Variants in GRID2 observed in about 807,000 individuals in gnomAD.
GRID2 encodes the protein glutamate receptor ionotropic, delta-2.
Under a neutral mutation model 114.8 loss-of-function variants are expected in GRID2, and 33 were observed. The observed-to-expected ratio is 0.29, with a 90% CI of 0.22 to 0.38. The LOEUF (loss-of-function observed/expected upper bound fraction) is 0.38, where lower values mean the gene tolerates loss of function less well. Ranked by LOEUF, GRID2 falls within the 10% of genes least tolerant of loss-of-function variation. The probability of loss-of-function intolerance (pLI) is 1.00; values close to 1 mark genes in which losing one functional copy is unlikely to be tolerated. For synonymous variants in GRID2, 505 were observed against 449.9 expected, an observed-to-expected ratio of 1.12 and a Z score of -1.55; for missense variants, 1,184 against 1,257.7, an observed-to-expected ratio of 0.94 and a Z score of 0.89.
chr4:93,277,811 T>G (rs759060506), intron 8 of GRID2, among the ~76,000 whole-genome samples: 3 of 151,928 alleles, frequency 2.0e-5, no homozygotes. Context: ...TCATAGTGTC[T>G]GGAATAGTAA....
chr4:92,982,209 A>C (rs1754265044), intron 2 of GRID2, among the ~76,000 whole-genome samples: 1 of 151,930 alleles, frequency 6.6e-6, no homozygotes, highest in Non-Finnish European at 1.5e-5. Context: ...TAATTTCCAA[A>C]CTAGATAGTG....
intron 8 of GRID2, among the ~76,000 whole-genome samples, chr4:93,316,339 A>AGAAAGAAAGAAGGAAG (rs1192535496): frequency 6.0e-4 from 33 of 55,012 alleles, no homozygotes; most frequent in African/African-American, 1.7e-3. Flanking sequence ...AAAGAAAGAA[A>AGAAAGAAAGAAGGAAG]GAAGGAAGGA....
chr4:93,720,145 C>CA (rs375352154), intron 14 of GRID2, among the ~76,000 whole-genome samples: 2 of 151,594 alleles, frequency 1.3e-5, no homozygotes, highest in East Asian at 1.9e-4. Context: ...TGAGAGCCCC[C>CA]AAAAAAAATG....
intron 14 of GRID2, among the ~76,000 whole-genome samples, chr4:93,633,707 AT>A (rs1287441526): frequency 6.6e-6 from 1 of 152,138 alleles, no homozygotes. Flanking sequence ...AAGAAAAAAA[AT>A]CTAAGAAGAA....
At chr4:92,985,116 G>A (rs1285022158) in intron 2 of GRID2, among the ~76,000 whole-genome samples, 1 of 151,960 alleles carries the variant, frequency 6.6e-6, no homozygotes, top group African/African-American at 2.4e-5. Flanking sequence ...TTTGCTCACT[G>A]ATTTCAGCAT....
At chr4:92,693,144 C>A (rs557423520) in intron 2 of GRID2, among the ~76,000 whole-genome samples, 2 of 151,780 alleles carry the variant, frequency 1.3e-5, no homozygotes, top group Non-Finnish European at 2.9e-5. Context: ...AATCTTTCCC[C>A]CTTTATGCTT....
At chr4:93,053,742 A>G (rs1014432262) in intron 2 of GRID2, among the ~76,000 whole-genome samples, 1 of 151,974 alleles carries the variant, frequency 6.6e-6, no homozygotes, top group Admixed American at 6.6e-5. Context: ...TAGCACATTA[A>G]CTTAATGTGA....
intron 1 of GRID2, among the ~76,000 whole-genome samples, chr4:92,545,658 T>C (rs1300676661): frequency 1.3e-5 from 2 of 152,246 alleles, no homozygotes; most frequent in African/African-American, 2.4e-5. Flanking sequence ...TGTCTCTGTA[T>C]GTTTGAAAAT....
At chr4:93,266,587 T>G (rs1048255585) in intron 8 of GRID2, among the ~76,000 whole-genome samples, 4 of 152,158 alleles carry the variant, frequency 2.6e-5, no homozygotes, top group African/African-American at 9.7e-5. Flanking sequence ...ATGTCACTTG[T>G]ATTTTTAGTA....
chr4:92,366,561 C>A (rs764001574), intron 1 of GRID2, among the ~76,000 whole-genome samples: 1 of 151,784 alleles, frequency 6.6e-6, no homozygotes, highest in Non-Finnish European at 1.5e-5. Context: ...TAGTAGTTCC[C>A]GAAAATGTTG....
chr4:93,199,519 G>A (rs748997294), intron 4 of GRID2, among the ~76,000 whole-genome samples: 3 of 152,156 alleles, frequency 2.0e-5, no homozygotes, highest in Non-Finnish European at 4.4e-5. Flanking sequence ...AATAAATCTA[G>A]CATATCCGTT....
At chr4:93,113,474 C>T (rs937760634) in intron 4 of GRID2, among the ~76,000 whole-genome samples, 3 of 152,152 alleles carry the variant, frequency 2.0e-5, no homozygotes, top group African/African-American at 7.2e-5. Context: ...AAGATCAGTG[C>T]TCGAGATGTA....
intron 8 of GRID2, among the ~76,000 whole-genome samples, chr4:93,357,428 C>T (rs1199537129): frequency 6.6e-6 from 1 of 150,986 alleles, no homozygotes; most frequent in Non-Finnish European, 1.5e-5. Context: ...TATTTATTCC[C>T]AATTTTTTCA....
At chr4:92,384,523 A>ATT (rs1174453630) in intron 1 of GRID2, among the ~76,000 whole-genome samples, 7 of 31,426 alleles carry the variant, frequency 2.2e-4, no homozygotes, top group African/African-American at 1.0e-3. Context: ...AATATTATAT[A>ATT]ATATAATATA....
chr4:92,843,547 T>C (rs902469343), intron 2 of GRID2, among the ~76,000 whole-genome samples: 4 of 152,160 alleles, frequency 2.6e-5, no homozygotes, highest in African/African-American at 9.7e-5. Flanking sequence ...AACATTTTCA[T>C]GAGGAATAAC....
intron 8 of GRID2, among the ~76,000 whole-genome samples, chr4:93,242,865 C>T (rs1234580634): frequency 1.3e-5 from 2 of 152,084 alleles, no homozygotes; most frequent in East Asian, 3.9e-4. Flanking sequence ...TTTCAACCTG[C>T]TCTGAATTCA....
At chr4:93,659,185 C>G (rs1578498905) in intron 14 of GRID2, among the ~76,000 whole-genome samples, 1 of 149,276 alleles carries the variant, frequency 6.7e-6, no homozygotes, top group South Asian at 2.1e-4. Context: ...GTGCCAAAAA[C>G]TGGAAGTAAA....
At chr4:92,889,026 T>C (rs1282837527) in intron 2 of GRID2, among the ~76,000 whole-genome samples, 1 of 152,150 alleles carries the variant, frequency 6.6e-6, no homozygotes, top group Non-Finnish European at 1.5e-5. Flanking sequence ...CTGTTGTTGT[T>C]GTACTGAATG....
chr4:92,921,843 A>T (rs1749369083), intron 2 of GRID2, among the ~76,000 whole-genome samples: 1 of 152,196 alleles, frequency 6.6e-6, no homozygotes, highest in Non-Finnish European at 1.5e-5. Flanking sequence ...CTCCAACTGC[A>T]TGCTGGGAGA....
Sources: gnomAD v4.1 joint callset for allele counts (sites outside exome capture counted in the v4.1 genomes callset) on GRCh38, gnomAD v4.1.1 for gene constraint, MANE v1.5 for transcripts, NCBI Gene and HGNC (gene_info 2026-07-23, HGNC 2026-07-21) for gene names.